Variants in DAB1 observed in about 807,000 individuals in gnomAD.
DAB1 encodes the protein disabled homolog 1.
In DAB1, 15 loss-of-function variants were observed where a neutral mutation model predicts 64.6. The observed-to-expected ratio is 0.23, with a 90% CI of 0.16 to 0.36. The LOEUF (loss-of-function observed/expected upper bound fraction) is 0.36. DAB1 is among the 10% of genes least tolerant of loss of function. The pLI is 1.00. For synonymous variants in DAB1, 235 were observed against 251.9 expected (o/e 0.93, Z 0.64); for missense variants, 596 against 706.7 (o/e 0.84, Z 1.78).
chr1:57,491,666 C>G (rs1455247701), intron 7 of DAB1, among the ~76,000 whole-genome samples: 3 of 152,070 alleles, frequency 2.0e-5, no homozygotes, highest in Non-Finnish European at 4.4e-5. Context: ...AATAGTTCAC[C>G]AAGATGAGGA....
At chr1:57,907,191 GACAT>G (rs1174411814) in intron 5 of DAB1, among the ~76,000 whole-genome samples, 1 of 152,114 alleles carries the variant, frequency 6.6e-6, no homozygotes, top group East Asian at 1.9e-4. Context: ...ATTTTATCAG[GACAT>G]AAGCAGGGCT....
chr1:58,283,140 C>G (rs149809916), intron 4 of DAB1, among the ~76,000 whole-genome samples: 100 of 152,202 alleles, frequency 6.6e-4, no homozygotes, highest in Non-Finnish European at 9.1e-4. Flanking sequence ...TCCCCACCCC[C>G]CAAGCCCCAG....
chr1:57,561,155 C>T (rs4466679), intron 7 of DAB1, among the ~76,000 whole-genome samples: 4,528 of 152,224 alleles, frequency 0.03, 175 homozygotes, highest in Admixed American at 0.12. Flanking sequence ...CAGCCTGCAC[C>T]GATGAACTCA....
At chr1:58,494,520 CTGACAAAGGGCTAA>C (rs1449542077) in intron 3 of DAB1, among the ~76,000 whole-genome samples, 1 of 152,188 alleles carries the variant, frequency 6.6e-6, no homozygotes, top group Non-Finnish European at 1.5e-5. Flanking sequence ...ATCTACTCAA[CTGACAAAGGGCTAA>C]TATCCAGAAT....
At position 58,253,070 on chromosome 1, in the gene DAB1, C is replaced by G. The variant is rs1570543278; in HGVS notation, n.309+90282G>C. On this transcript the variant is annotated intron_variant and non_coding_transcript_variant, in intron 4 of 20. Transcript: ENST00000485760. ...GAGAGAACAGATGCTAGTGGATGTACCTTTGGGTTGCTGCATGGGAATCAG... is the reference window on the plus strand; with the variant it reads ...GAGAGAACAGATGCTAGTGGATGTAGCTTTGGGTTGCTGCATGGGAATCAG... Among the ~76,000 whole-genome samples, 3 of 152,252 alleles carry G rather than the reference C, an allele frequency of 2.0e-5. No individual in the cohort carries two copies. The South Asian group carries it at 6.2e-4, about 32-fold the overall frequency.
Position 57,053,658 on chromosome 1 carries a change from C to A in DAB1, c.723+9226G>T, listed in dbSNP as rs190784957. Reference sequence around the variant, plus strand: ...CATCTAAGAATCTCTCTCTCTCTCTCTCTATATGTATATATATATATATAT... The same window carrying A: ...CATCTAAGAATCTCTCTCTCTCTCTATCTATATGTATATATATATATATAT... On this transcript the variant is annotated intron_variant, in intron 9 of 14. Transcript: ENST00000371236. Among the ~76,000 whole-genome samples the A allele has an allele frequency of 1.0e-3, 126 of 120,912 alleles. No homozygotes were observed. In the East Asian group the frequency reaches 0.012, roughly 11 times the overall value. 79.3% of individuals were successfully genotyped at this position (120,912 alleles called of 152,430 possible). A position where few individuals can be genotyped will look rare whatever the true frequency, so the allele number is the denominator to read the frequency against.
At chr1:58,063,876 T>C (rs563094276) in intron 5 of DAB1, among the ~76,000 whole-genome samples, 5 of 152,330 alleles carry the variant, frequency 3.3e-5, no homozygotes, top group Admixed American at 6.5e-5. Context: ...CCTTAACACC[T>C]TTAACAATAA....
intron 1 of DAB1, among the ~76,000 whole-genome samples, chr1:57,305,767 A>T (rs1674084322): frequency 6.6e-6 from 1 of 152,072 alleles, no homozygotes; most frequent in Non-Finnish European, 1.5e-5. Context: ...CAGGAGATCG[A>T]GACCATCCTG....
intron 3 of DAB1, among the ~76,000 whole-genome samples, chr1:58,495,756 C>T (rs766170372): frequency 2.6e-5 from 4 of 151,988 alleles, no homozygotes; most frequent in African/African-American, 4.8e-5. Flanking sequence ...ATTAGTTCCA[C>T]TGTTTTTTGT....
At chr1:57,049,591 A>G (rs554215485) in intron 9 of DAB1, among the ~76,000 whole-genome samples, 1 of 151,364 alleles carries the variant, frequency 6.6e-6, no homozygotes, top group South Asian at 2.1e-4. Context: ...GTCACCTCAG[A>G]GCTAGCTCCA....
intron 7 of DAB1, among the ~76,000 whole-genome samples, chr1:57,560,795 A>G (rs796437220): frequency 6.6e-6 from 1 of 152,182 alleles, no homozygotes; most frequent in Admixed American, 6.5e-5. Context: ...CCCATAGGTG[A>G]ATCACAGCAG....
chr1:57,070,720 T>A (rs1651369355), intron 7 of DAB1: 2 of 386,298 alleles, frequency 5.2e-6, no homozygotes, highest in Non-Finnish European at 9.7e-6. Context: ...CTCAGAATAT[T>A]CAAGAGACTC....
At position 57,064,915 on chromosome 1, in the gene DAB1, C is replaced by A. The variant is rs182906105; in HGVS notation, c.664-1972G>T. On this transcript the variant is annotated intron_variant, in intron 8 of 14. Coordinates refer to ENST00000371236, the MANE Select transcript of DAB1 (RefSeq NM_001365792.1). ...ATCCTCTAAGAATGCCTACAGAGTC[C>A]TTGTTAATGAGGGCCAATAAATTAC... Among the ~76,000 whole-genome samples the A allele has an allele frequency of 3.0e-4, 46 of 152,254 alleles. 1 individual carries two copies. Among genetic ancestry groups the A allele is most frequent in the Admixed American group, 2.5e-3 (39 of 15,302 alleles).
chr1:58,405,196 C>T (rs1195978651), intron 3 of DAB1, among the ~76,000 whole-genome samples: 1 of 152,138 alleles, frequency 6.6e-6, no homozygotes, highest in Admixed American at 6.5e-5. Flanking sequence ...GGAATACTCT[C>T]CCTAACCCCA....
chr1:57,281,118 C>T (rs1330584284), intron 2 of DAB1, among the ~76,000 whole-genome samples: 2 of 152,180 alleles, frequency 1.3e-5, no homozygotes, highest in Admixed American at 6.5e-5. Flanking sequence ...TGCATACCTA[C>T]ACTTTTCAAC....
intron 7 of DAB1, among the ~76,000 whole-genome samples, chr1:57,496,132 AC>A (rs1471443835): frequency 2.0e-5 from 3 of 152,354 alleles, no homozygotes; most frequent in African/African-American, 7.2e-5. Flanking sequence ...CAGTCTTAAT[AC>A]TGAAATACAA....
intron 6 of DAB1, among the ~76,000 whole-genome samples, chr1:57,682,240 T>TA (rs997852641): frequency 4.6e-5 from 7 of 151,208 alleles, no homozygotes; most frequent in East Asian, 3.9e-4. Context: ...AGAAGCACTT[T>TA]AAAAAAATGG....
intron 4 of DAB1, among the ~76,000 whole-genome samples, chr1:57,080,149 C>T (rs478199): frequency 0.046 from 6,936 of 152,282 alleles, 222 homozygotes; most frequent in Middle Eastern, 0.092. Context: ...CATTGTTCTG[C>T]AACTATCACT....
chr1:57,057,335 CTT>C (rs904243989), intron 9 of DAB1, among the ~76,000 whole-genome samples: 11 of 152,046 alleles, frequency 7.2e-5, no homozygotes, highest in African/African-American at 2.7e-4. Context: ...GCCTGTCTCT[CTT>C]ATATATTATA....
Sources: allele counts gnomAD v4.1 joint callset (sites outside exome capture counted in the v4.1 genomes callset), GRCh38; gene constraint gnomAD v4.1.1; transcripts MANE v1.5; gene names NCBI Gene and HGNC (gene_info 2026-07-23, HGNC 2026-07-21).